The following UBE2E3 variants were observed in gnomAD, a reference collection of about 807,000 sequenced individuals.
UBE2E3 encodes the protein ubiquitin conjugating enzyme E2 E3.
Under a neutral mutation model 23.6 loss-of-function variants are expected in UBE2E3, and 5 were observed. The ratio of observed to expected loss-of-function variants is 0.21; its 90% CI spans 0.11 to 0.44. The LOEUF is 0.44. Among genes scored for constraint, UBE2E3 ranks in the 20% least tolerant of loss-of-function variants. The pLI, the probability that UBE2E3 is intolerant of heterozygous loss-of-function variation, is 0.99. For missense variants in UBE2E3, 81 were observed against 249.8 expected, an observed-to-expected ratio of 0.32 and a Z score of 4.55; for synonymous variants, 78 against 87.5, an observed-to-expected ratio of 0.89 and a Z score of 0.60.
chr2:181,004,098 A>T (rs1231299546), intron 3 of UBE2E3, among the ~76,000 whole-genome samples: 1 of 148,604 alleles, frequency 6.7e-6, no homozygotes, highest in Non-Finnish European at 1.5e-5. Flanking sequence ...GTTAAGAAAT[A>T]TCTAATACTG....
chr2:181,003,680 G>A (rs975305783), intron 3 of UBE2E3, among the ~76,000 whole-genome samples: 6 of 152,116 alleles, frequency 3.9e-5, no homozygotes, highest in African/African-American at 1.4e-4. Flanking sequence ...AGTACACTGT[G>A]GAACCAGACT....
rs998437883 is a variant in UBE2E3, at chr2:181,054,876, A to G, written c.246-2817A>G. ...CTGGTGATATTTAAAGCTTAGGGTG[A>G]TAAGGAATAGGAATAGAGAGTGAGA... On this transcript the variant is annotated intron_variant, in intron 3 of 5. Transcript: ENST00000410062. 7.2e-5 allele frequency among the ~76,000 whole-genome samples: 11 copies of G among 151,804 alleles called. 1 individual carries two copies. The highest frequency in any genetic ancestry group is 1.5e-5 in the Non-Finnish European group (1 of 67,852).
chr2:181,011,078 T>A (rs1416379082), intron 3 of UBE2E3, among the ~76,000 whole-genome samples: 1 of 151,732 alleles, frequency 6.6e-6, no homozygotes, highest in Non-Finnish European at 1.5e-5. Flanking sequence ...GAGCACAGGG[T>A]CTTGACTTTT....
At chr2:181,052,512 G>A (rs531262783) in intron 3 of UBE2E3, among the ~76,000 whole-genome samples, 48 of 151,898 alleles carry the variant, frequency 3.2e-4, no homozygotes, top group African/African-American at 1.1e-3. Context: ...AGCTGTTTAA[G>A]GTATATGCTC....
Position 181,060,650 on chromosome 2 carries a change from T to C in UBE2E3, c.379-15T>C, listed in dbSNP as rs781073922. ...GCATTCATTTTCCTTCTGTTTTTAA[T>C]GTGACTGTGCTTAGGTTACTTTCCG... On this transcript the variant is annotated splice_polypyrimidine_tract_variant and intron_variant, in intron 4 of 5. Transcript: ENST00000410062. 20 of 1,580,662 alleles carry C rather than the reference T, an allele frequency of 1.3e-5. No homozygotes were observed. Among genetic ancestry groups the C allele is most frequent in the Non-Finnish European group, 1.6e-5 (19 of 1,165,258 alleles).
At chr2:180,993,257 C>T (rs958622794) in intron 3 of UBE2E3, among the ~76,000 whole-genome samples, 1 of 152,128 alleles carries the variant, frequency 6.6e-6, no homozygotes, top group African/African-American at 2.4e-5. Flanking sequence ...CTTTTTGGTC[C>T]TTGATGTATA....
At chr2:180,989,865 A>G (rs894404335) in intron 3 of UBE2E3, 4 of 1,540,676 alleles carry the variant, frequency 2.6e-6, no homozygotes, top group African/African-American at 2.7e-5. Context: ...CAACAGATGG[A>G]TATGTTTACT....
intron 3 of UBE2E3, among the ~76,000 whole-genome samples, chr2:181,050,549 T>G (rs1430411195): frequency 6.6e-6 from 1 of 151,926 alleles, no homozygotes; most frequent in Non-Finnish European, 1.5e-5. Flanking sequence ...AGAATCACCT[T>G]TAGTACGTGA....
rs1283084461 is a variant in UBE2E3, at chr2:181,061,289, A to C, written c.526+477A>C. Among the ~76,000 whole-genome samples the C allele has an allele frequency of 4.2e-5, 2 of 47,776 alleles. 1 individual carries two copies. The highest frequency in any genetic ancestry group is 7.3e-5 in the Non-Finnish European group (2 of 27,496). The allele number at this position is 47,776 out of a possible 152,430, so 31.3% of individuals were successfully genotyped here. A position where few individuals can be genotyped will look rare whatever the true frequency, so the allele number is the denominator to read the frequency against. ...AGGCGCCCGCCACCGCGCCCGGCTA[A>C]TTTTTTTGTATTTTTAGTAGAGACG... On this transcript the variant is annotated intron_variant, in intron 5 of 5. Transcript: ENST00000410062.
chr2:181,026,463 A>T (rs568609748), intron 3 of UBE2E3, among the ~76,000 whole-genome samples: 2 of 151,368 alleles, frequency 1.3e-5, no homozygotes, highest in East Asian at 3.9e-4. Context: ...TAGAGCAGAG[A>T]CACCTCTGTG....
At chr2:180,985,047 C>G (rs1684414215) in intron 3 of UBE2E3, among the ~76,000 whole-genome samples, 1 of 152,110 alleles carries the variant, frequency 6.6e-6, no homozygotes, top group Non-Finnish European at 1.5e-5. Context: ...TTGGGATGAT[C>G]AGACCCTGTC....
chr2:181,056,650 G>T (rs1056505519), intron 3 of UBE2E3, among the ~76,000 whole-genome samples: 1 of 151,774 alleles, frequency 6.6e-6, no homozygotes, highest in South Asian at 2.1e-4. Flanking sequence ...ACATTGCCGC[G>T]TTTGGGGGTC....
In UBE2E3 at chr2:181,057,665, A is replaced by G. The variant is rs374162599; in HGVS notation, c.246-28A>G. On this transcript the variant is annotated intron_variant, in intron 3 of 5. Transcript: ENST00000410062. ...TAACATTCATTGCTAATATATGTAC[A>G]TACTGATTTTTAATTTCTTTTAAAT... 17 of 1,580,750 alleles carry G rather than the reference A, an allele frequency of 1.1e-5. No homozygotes were observed. The South Asian group carries it at 1.1e-4, about 10-fold the overall frequency.
chr2:181,007,653 T>C (rs79885239), intron 3 of UBE2E3, among the ~76,000 whole-genome samples: 5,978 of 152,210 alleles, frequency 0.039, 222 homozygotes, highest in African/African-American at 0.094. Context: ...GAAGGGGCAG[T>C]GTGTCAATGT....
chr2:181,041,828 T>G (rs4666685), intron 3 of UBE2E3, among the ~76,000 whole-genome samples: 1 of 151,972 alleles, frequency 6.6e-6, no homozygotes, highest in South Asian at 2.1e-4. Flanking sequence ...CAAACCACTG[T>G]CAGGAGGCAG....
At chr2:180,985,300 A>G (rs1574153213) in intron 3 of UBE2E3, among the ~76,000 whole-genome samples, 1 of 152,176 alleles carries the variant, frequency 6.6e-6, no homozygotes, top group Non-Finnish European at 1.5e-5. Context: ...GCCACTTGCC[A>G]CATGTGGCTA....
At chr2:181,019,630 T>A (rs538348763) in intron 3 of UBE2E3, among the ~76,000 whole-genome samples, 18 of 152,310 alleles carry the variant, frequency 1.2e-4, no homozygotes, top group African/African-American at 1.7e-4. Flanking sequence ...GTGATTTTTT[T>A]AAAAAGTCTA....
chr2:181,033,953 A>C (rs1191869586), intron 3 of UBE2E3, among the ~76,000 whole-genome samples: 3 of 152,208 alleles, frequency 2.0e-5, no homozygotes, highest in African/African-American at 7.2e-5. Flanking sequence ...CCATCAGAGA[A>C]ATGCAAATCA....
chr2:181,006,520 C>A (rs1022361921), intron 3 of UBE2E3, among the ~76,000 whole-genome samples: 1 of 151,704 alleles, frequency 6.6e-6, no homozygotes, highest in Admixed American at 6.6e-5. Context: ...ATAAGTATGT[C>A]CCAAATGTAC....
Sources: gnomAD v4.1 joint callset for allele counts (sites outside exome capture counted in the v4.1 genomes callset) on GRCh38, gnomAD v4.1.1 for gene constraint, MANE v1.5 for transcripts, NCBI Gene and HGNC (gene_info 2026-07-23, HGNC 2026-07-21) for gene names.